ZNF141: variants seen among roughly 807,000 people sequenced by gnomAD.
ZNF141 encodes the protein zinc finger protein 141 (clone pHZ-44).
In ZNF141, 7 loss-of-function variants were observed where a neutral mutation model predicts 11.3. That is an observed-to-expected ratio of 0.62 (90% confidence interval 0.35 to 1.16). The LOEUF (loss-of-function observed/expected upper bound fraction) is 1.16, where lower values mean the gene tolerates loss of function less well. Ranked by LOEUF, ZNF141 falls within the 50% of genes most tolerant of loss-of-function variation. ZNF141 has a pLI of 0.02. For missense variants in ZNF141, 535 were observed against 554.0 expected, an observed-to-expected ratio of 0.97 and a Z score of 0.34; for synonymous variants, 183 against 190.7, an observed-to-expected ratio of 0.96 and a Z score of 0.33.
At chr4:347,676 A>C (rs1297911694) in intron 3 of ZNF141, among the ~76,000 whole-genome samples, 1 of 151,408 alleles carries the variant, frequency 6.6e-6, no homozygotes, top group Non-Finnish European at 1.5e-5. Context: ...GTATTTTTGT[A>C]AGTTTATCAA....
Position 383,796 on chromosome 4 carries a change from A to C in ZNF141, c.*9934A>C, listed in dbSNP as rs1052222. On this transcript the variant is annotated 3_prime_UTR_variant, in exon 4 of 4. Transcript: ENST00000240499. ...CTGCATAGGGTACCAATTCGCCTCA[A>C]CCTTTGATTAGCCAAGGACCAAATC... 2 of 152,332 alleles carry C rather than the reference A, an allele frequency of 1.3e-5. No individual in the cohort carries two copies. The highest frequency in any genetic ancestry group is 4.1e-4 in the South Asian group (2 of 4,836). 9.4% of individuals were successfully genotyped at this position (152,332 alleles called of 1,614,324 possible).
intron 3 of ZNF141, among the ~76,000 whole-genome samples, chr4:365,226 T>C (rs1321364256): frequency 1.3e-5 from 2 of 152,224 alleles, no homozygotes; most frequent in Admixed American, 1.3e-4. Flanking sequence ...ATTTTCCAGA[T>C]ACAGTCTGTC....
intron 3 of ZNF141, among the ~76,000 whole-genome samples, chr4:352,914 G>C (rs1435527786): frequency 6.6e-6 from 1 of 152,152 alleles, no homozygotes; most frequent in African/African-American, 2.4e-5. Flanking sequence ...TGGGCCCCTG[G>C]AGTTTGTGAC....
chr4:343,047 CCTTGCATGAT>C lies in ZNF141; in HGVS notation c.4-734_4-725del, dbSNP rs1553848770. 7.1e-6 allele frequency: 5 copies of C among 703,316 alleles called. No individual in the cohort carries two copies. In the African/African-American group the frequency reaches 7.8e-5, roughly 11 times the overall value. 43.6% of individuals were successfully genotyped at this position (703,316 alleles called of 1,614,324 possible). ...TGATTAAAAAAGTATTAAAAAAGTT[CCTTGCATGAT>C]TAAAAAAGTATTTAAAAAGTTCCTT... On this transcript the variant is annotated intron_variant, in intron 1 of 3. Transcript: ENST00000240499.
At chr4:338,073 G>C in intron 1 of ZNF141, 87 bp downstream of exon 1, 19 of 1,578,098 alleles carry the variant, frequency 1.2e-5, no homozygotes, top group Non-Finnish European at 1.6e-5. Context: ...TCTGCGAACG[G>C]AGTCCCCGCT....
chr4:381,400 C>CTTTTTTTTTTTTT lies in ZNF141; in HGVS notation c.*7552_*7564dup, dbSNP rs34721227. Among the ~76,000 whole-genome samples the CTTTTTTTTTTTTT allele has an allele frequency of 5.2e-5, 4 of 76,936 alleles. No homozygotes were observed. Among genetic ancestry groups the CTTTTTTTTTTTTT allele is most frequent in the African/African-American group, 2.4e-4 (4 of 16,424 alleles). 50.5% of individuals were successfully genotyped at this position (76,936 alleles called of 152,430 possible). On this transcript the variant is annotated 3_prime_UTR_variant, in exon 4 of 4. Coordinates refer to ENST00000240499, the MANE Select transcript of ZNF141 (RefSeq NM_003441.4). ...CTATTTAATACAGACTTCAAATGTG[C>CTTTTTTTTTTTTT]TTTTTTTTTTTTTTTTTTTTTTTTT...
chr4:347,851 CT>C (rs781796028), intron 3 of ZNF141, among the ~76,000 whole-genome samples: 276 of 142,848 alleles, frequency 1.9e-3, no homozygotes, highest in South Asian at 8.9e-3. Context: ...TGGATATTAA[CT>C]TTTTTTTTTT....
At chr4:338,995 CTG>C (rs1720925464) in intron 1 of ZNF141, among the ~76,000 whole-genome samples, 1 of 152,224 alleles carries the variant, frequency 6.6e-6, no homozygotes, top group Non-Finnish European at 1.5e-5. Context: ...AGAGAGGGCG[CTG>C]AGAACTTGGA....
Position 337,835 on chromosome 4 carries a change from C to G in ZNF141, c.-149C>G, listed in dbSNP as rs1046861127. On this transcript the variant is annotated 5_prime_UTR_variant, in exon 1 of 4. Coordinates refer to ENST00000240499, the MANE Select transcript of ZNF141 (RefSeq NM_003441.4). ...GCGGGTCTTTGCGTCTGGCTACTAC[C>G]AGACCGCGGGTTAGGGGCTTCATCT... 50 of 1,057,394 alleles carry G rather than the reference C, an allele frequency of 4.7e-5. No individual in the cohort carries two copies. The highest frequency in any genetic ancestry group is 8.5e-6 in the Non-Finnish European group (6 of 702,220). The allele number at this position is 1,057,394 out of a possible 1,614,324, so 65.5% of individuals were successfully genotyped here.
chr4:371,037 T>G (rs1404204382), intron 3 of ZNF141, among the ~76,000 whole-genome samples: 2 of 151,502 alleles, frequency 1.3e-5, no homozygotes, highest in African/African-American at 2.4e-5. Context: ...TGGCCACATC[T>G]TTTTTTAACT....
chr4:341,892 A>G (rs570977291), intron 1 of ZNF141, among the ~76,000 whole-genome samples: 8 of 152,318 alleles, frequency 5.3e-5, no homozygotes, highest in African/African-American at 1.9e-4. Flanking sequence ...AATTAAAACT[A>G]ATGTTTCTAG....
chr4:380,202 C>T lies in ZNF141; in HGVS notation c.*6340C>T, dbSNP rs1451738956. Reference sequence around the variant, plus strand: ...TTGAATTGTATTTCCTTGTGTATACCACGTTTTTGGAAAAATACATTCATT... The same window carrying T: ...TTGAATTGTATTTCCTTGTGTATACTACGTTTTTGGAAAAATACATTCATT... On this transcript the variant is annotated 3_prime_UTR_variant, in exon 4 of 4. Transcript: ENST00000240499. 6.6e-6 allele frequency among the ~76,000 whole-genome samples: 1 copy of T among 152,000 alleles called. No homozygotes were observed. The highest frequency in any genetic ancestry group is 2.4e-5 in the African/African-American group (1 of 41,360).
At position 372,905 on chromosome 4, in the gene ZNF141, A is replaced by T; in HGVS notation, c.468A>T (p.Lys156Asn). The change falls in exon 4 of 4, where the codon AAA (lysine) becomes AAT (asparagine). Residue 156 changes from lysine to asparagine, a missense_variant. Physicochemically the swap from Lys to Asn is moderately conservative, Grantham distance 94 (BLOSUM62 0). Coordinates refer to ENST00000240499, the MANE Select transcript of ZNF141 (RefSeq NM_003441.4). Reference sequence around the variant, plus strand: ...AAGCAAGTGTCAAAGTTGTTAGTAAATTTTCAAATTCAAACAAACGTAAGA... The same window carrying T: ...AAGCAAGTGTCAAAGTTGTTAGTAATTTTTCAAATTCAAACAAACGTAAGA... ...QCKASVKVVSKFSNSNKRKTR... is the reference protein window; with the variant it reads ...QCKASVKVVSNFSNSNKRKTR... 6.2e-7 allele frequency: 1 copy of T among 1,613,716 alleles called. No individual in the cohort carries two copies. Among genetic ancestry groups the T allele is most frequent in the Non-Finnish European group, 8.5e-7 (1 of 1,179,726 alleles).
rs114171904 is a variant in ZNF141, at chr4:343,230, G to A, written c.4-552G>A. 5.6e-3 allele frequency among the ~76,000 whole-genome samples: 852 copies of A among 152,208 alleles called. 11 individuals carry two copies. The highest frequency in any genetic ancestry group is 0.019 in the African/African-American group (791 of 41,534). On this transcript the variant is annotated intron_variant, in intron 1 of 3. Transcript: ENST00000240499. The stretch of plus-strand genomic sequence containing the variant: ...GGAGGTCACAGGGCCTACTCTGCTT[G>A]ATTTTGGTAGGGGAAGGTCAGTGTA...
At chr4:349,465 A>G (rs1721489837) in intron 3 of ZNF141, among the ~76,000 whole-genome samples, 1 of 152,114 alleles carries the variant, frequency 6.6e-6, no homozygotes. Context: ...TTCCTTGTCT[A>G]ATTGTTTTGA....
intron 3 of ZNF141, among the ~76,000 whole-genome samples, chr4:347,702 C>T (rs2108688835): frequency 6.6e-6 from 1 of 151,230 alleles, no homozygotes; most frequent in African/African-American, 2.4e-5. Context: ...ATCTCACCAC[C>T]AGCATACAAG....
At chr4:339,303 A>G (rs782350174) in intron 1 of ZNF141, among the ~76,000 whole-genome samples, 5 of 152,344 alleles carry the variant, frequency 3.3e-5, no homozygotes, top group African/African-American at 4.8e-5. Context: ...CTCTGCCTTT[A>G]TGGGCTCAGG....
chr4:355,982 C>T (rs782308589), intron 3 of ZNF141, among the ~76,000 whole-genome samples: 7 of 152,018 alleles, frequency 4.6e-5, no homozygotes, highest in Admixed American at 2.0e-4. Flanking sequence ...CCTGTAATCC[C>T]GGCACTTTGG....
At chr4:359,584 T>C (rs917616319) in intron 3 of ZNF141, among the ~76,000 whole-genome samples, 2 of 152,150 alleles carry the variant, frequency 1.3e-5, no homozygotes, top group South Asian at 2.1e-4. Flanking sequence ...GACTTCTCCC[T>C]GCCTCTAGCT....
Sources: gnomAD v4.1 joint callset for allele counts (sites outside exome capture counted in the v4.1 genomes callset) on GRCh38, gnomAD v4.1.1 for gene constraint, MANE v1.5 for transcripts, NCBI Gene and HGNC (gene_info 2026-07-23, HGNC 2026-07-21) for gene names.